Variants in CDKL5 observed in about 807,000 individuals in gnomAD.
CDKL5 encodes cyclin dependent kinase like 5.
Under a neutral mutation model 61.7 loss-of-function variants are expected in CDKL5, and 8 were observed. The ratio of observed to expected loss-of-function variants is 0.13; its 90% confidence interval spans 0.08 to 0.23. The LOEUF is 0.23. Ranked by LOEUF, CDKL5 falls within the 10% of genes least tolerant of loss-of-function variation. The pLI, the probability that CDKL5 is intolerant of heterozygous loss-of-function variation, is 1.00. For missense variants in CDKL5, 440 were observed against 734.5 expected (o/e 0.60, Z 4.63); for synonymous variants, 275 against 272.3 (o/e 1.01, Z -0.10).
At chrX:18,508,790 C>T (rs1922680440) in intron 2 of CDKL5, among the ~76,000 whole-genome samples, 2 of 109,885 alleles carry the variant, frequency 1.8e-5, no homozygotes, top group African/African-American at 6.6e-5. Context: ...CTAGGATATA[C>T]ATATAAAGTA....
intron 4 of CDKL5, among the ~76,000 whole-genome samples, chrX:18,566,643 A>G (rs1197024126): frequency 8.9e-6 from 1 of 111,985 alleles, no homozygotes; most frequent in Non-Finnish European, 1.9e-5. Flanking sequence ...GGATACTTTC[A>G]AGAAGCATAT....
At chrX:18,594,481 C>T (rs1035935572) in intron 9 of CDKL5, among the ~76,000 whole-genome samples, 1 of 112,296 alleles carries the variant, frequency 8.9e-6, no homozygotes, top group African/African-American at 3.2e-5. Flanking sequence ...ATATTAAAAG[C>T]GATGACAGAA....
chrX:18,528,606 CTT>C (rs1370081580), intron 3 of CDKL5, among the ~76,000 whole-genome samples: 1 of 109,627 alleles, frequency 9.1e-6, no homozygotes, highest in African/African-American at 3.3e-5. Flanking sequence ...CTCTCTCTCT[CTT>C]TCTCTTGCTT....
At chrX:18,535,364 T>C (rs772181751) in intron 3 of CDKL5, 203 of 113,119 alleles carry the variant, frequency 1.8e-3, no homozygotes, top group Non-Finnish European at 2.5e-3. Context: ...TTCTACGTGA[T>C]GTGAAAAGAA....
intron 1 of CDKL5, among the ~76,000 whole-genome samples, chrX:18,481,109 T>G (rs1234274379): frequency 2.7e-5 from 3 of 110,558 alleles, no homozygotes; most frequent in African/African-American, 9.9e-5. Flanking sequence ...TCCACCCGCC[T>G]CGGCCTCCCA....
chrX:18,509,176 A>G (rs1420377738), intron 2 of CDKL5, among the ~76,000 whole-genome samples: 1 of 90,567 alleles, frequency 1.1e-5, no homozygotes, highest in Non-Finnish European at 2.2e-5. Context: ...CTGATGAGAG[A>G]GCGAGACTGT....
chrX:18,600,195 G>A (rs1018536736), intron 11 of CDKL5, among the ~76,000 whole-genome samples: 3 of 111,867 alleles, frequency 2.7e-5, no homozygotes, highest in African/African-American at 6.5e-5. Flanking sequence ...ACCATTTATC[G>A]TATGTTTTCT....
chrX:18,644,792 G>A (rs1023296481), downstream of CDKL5, among the ~76,000 whole-genome samples: 4 of 112,272 alleles, frequency 3.6e-5, no homozygotes, highest in African/African-American at 6.5e-5. Flanking sequence ...GCCAGCTTCC[G>A]TTATACTTAA....
chrX:18,609,580 C>G lies in CDKL5; in HGVS notation c.2152+10C>G, dbSNP rs763466606. On this transcript the variant is annotated intron_variant, in intron 14 of 17. Coordinates refer to ENST00000623535, the MANE Select transcript of CDKL5 (RefSeq NM_001323289.2). ...GGTAGCTTTTACAGAGGTAAGCCCA[C>G]CCCCGGCATTCAACAGGTTCCCCTC... 2.5e-6 allele frequency: 3 copies of G among 1,208,197 alleles called. No homozygotes were observed. In the Admixed American group the frequency reaches 6.6e-5, roughly 26 times the overall value.
At chrX:18,488,049 A>G (rs778145789) in intron 1 of CDKL5, among the ~76,000 whole-genome samples, 7 of 111,863 alleles carry the variant, frequency 6.3e-5, no homozygotes, top group African/African-American at 2.3e-4. Context: ...TTCAAATACT[A>G]CTTAATTCTA....
chrX:18,600,742 T>TA (rs1243176976), intron 11 of CDKL5, among the ~76,000 whole-genome samples: 1 of 111,827 alleles, frequency 8.9e-6, no homozygotes, highest in African/African-American at 3.3e-5. Context: ...ATACAGAAGA[T>TA]ATGATTTGTT....
At chrX:18,522,568 C>G (rs1236940088) in intron 3 of CDKL5, among the ~76,000 whole-genome samples, 2 of 108,368 alleles carry the variant, frequency 1.8e-5, no homozygotes, top group Non-Finnish European at 3.8e-5. Flanking sequence ...TGGTCTCAAA[C>G]TCTTGGCCTC....
chrX:18,459,050 C>T (rs916267058), intron 1 of CDKL5, among the ~76,000 whole-genome samples: 1 of 111,668 alleles, frequency 9.0e-6, no homozygotes, highest in African/African-American at 3.3e-5. Flanking sequence ...GTGGTAGGTA[C>T]GCAGAAATAA....
intron 1 of CDKL5, among the ~76,000 whole-genome samples, chrX:18,455,784 T>TAAGATTTCTGTAAAGCCTTTTCCTGTCC (rs1932127601): frequency 8.9e-6 from 1 of 112,832 alleles, no homozygotes; most frequent in Non-Finnish European, 1.9e-5. Context: ...AATCACTGTT[T>TAAGATTTCTGTAAAGCCTTTTCCTGTCC]AAGATTTCTG....
chrX:18,628,351 A>G lies in CDKL5; in HGVS notation c.2497-20A>G, dbSNP rs1569225316. The G allele has an allele frequency of 8.3e-7, 1 of 1,206,555 alleles. No individual in the cohort carries two copies. Among genetic ancestry groups the G allele is most frequent in the Non-Finnish European group, 1.1e-6 (1 of 890,969 alleles). On this transcript the variant is annotated intron_variant, in intron 17 of 17. Coordinates refer to ENST00000623535, the MANE Select transcript of CDKL5 (RefSeq NM_001323289.2). ...TCGCTCTAACTTGAATCCTGTGTGC[A>G]TTCTCATCCTTTCTTTCAGAGCCAG...
At chrX:18,543,932 G>A (rs1757541414) in intron 3 of CDKL5, among the ~76,000 whole-genome samples, 1 of 111,921 alleles carries the variant, frequency 8.9e-6, no homozygotes, top group South Asian at 3.7e-4. Context: ...TGAGGTACTA[G>A]GCAAATGAGG....
intron 3 of CDKL5, among the ~76,000 whole-genome samples, chrX:18,563,224 G>A (rs1924860757): frequency 8.9e-6 from 1 of 111,800 alleles, no homozygotes; most frequent in Non-Finnish European, 1.9e-5. Flanking sequence ...TTATGCTGTA[G>A]GTAGATTGCT....
At chrX:18,554,078 A>G (rs1350895920) in intron 3 of CDKL5, among the ~76,000 whole-genome samples, 1 of 103,824 alleles carries the variant, frequency 9.6e-6, no homozygotes, top group Non-Finnish European at 2.0e-5. Context: ...TTTTTTTTCT[A>G]TTATACTTTT....
rs1927159576 is a variant in CDKL5, at chrX:18,628,971, A to T, written c.*214A>T. On this transcript the variant is annotated 3_prime_UTR_variant, in exon 18 of 18. Coordinates refer to ENST00000623535, the MANE Select transcript of CDKL5 (RefSeq NM_001323289.2). ...TTAGAGCCACAGGAGTTCCTTAGGG[A>T]TCGCCACTCCCCACAGGTCTTGTGT... 2.0e-6 allele frequency: 2 copies of T among 1,022,530 alleles called. No homozygotes were observed. Among genetic ancestry groups the T allele is most frequent in the Non-Finnish European group, 2.5e-6 (2 of 806,585 alleles). The allele number at this position is 1,022,530 out of a possible 1,213,427, so 84.3% of individuals were successfully genotyped here.
Sources: allele counts gnomAD v4.1 joint callset (sites outside exome capture counted in the v4.1 genomes callset), GRCh38; gene constraint gnomAD v4.1.1; transcripts MANE v1.5; gene names NCBI Gene and HGNC (gene_info 2026-07-23, HGNC 2026-07-21).